The following COPRS variants were observed in gnomAD, a reference collection of about 807,000 sequenced individuals.
COPRS encodes coordinator of PRMT5 and differentiation stimulator.
In COPRS, 11 loss-of-function variants were observed where a neutral mutation model predicts 19.9. That is an observed-to-expected ratio of 0.55 (90% CI 0.35 to 0.92). The LOEUF is 0.92. Ranked by LOEUF, COPRS falls within the 40% of genes least tolerant of loss-of-function variation. The pLI is 0.01. For missense variants in COPRS, 225 were observed against 229.9 expected, an observed-to-expected ratio of 0.98 and a Z score of 0.14; for synonymous variants, 81 against 82.7, an observed-to-expected ratio of 0.98 and a Z score of 0.11.
intron 2 of COPRS, chr17:31,856,587 TAGA>T: frequency 3.2e-6 from 2 of 617,630 alleles, no homozygotes; most frequent in Admixed American, 2.8e-5. Flanking sequence ...TTTCTCTCGG[TAGA>T]AGGATGGATT....
chr17:31,856,701 G>A, intron 2 of COPRS, 98 bp downstream of exon 2: 1 of 827,964 alleles, frequency 1.2e-6, no homozygotes, highest in Non-Finnish European at 2.1e-6. Flanking sequence ...CTAAGCAGCA[G>A]AGAGGACTGG....
intron 2 of COPRS, among the ~76,000 whole-genome samples, chr17:31,855,104 G>A (rs780967375): frequency 8.5e-5 from 13 of 152,098 alleles, no homozygotes; most frequent in African/African-American, 2.4e-4. Flanking sequence ...GGCCAGGCAC[G>A]GTGGCTCATG....
intron 2 of COPRS, among the ~76,000 whole-genome samples, chr17:31,855,819 A>T (rs750400561): frequency 1.3e-5 from 2 of 151,874 alleles, no homozygotes; most frequent in Admixed American, 6.6e-5. Context: ...AACATGGTGA[A>T]ACCCCATCTC....
intron 2 of COPRS, among the ~76,000 whole-genome samples, chr17:31,853,791 C>A (rs1909238840): frequency 6.6e-6 from 1 of 152,148 alleles, no homozygotes; most frequent in African/African-American, 2.4e-5. Flanking sequence ...CATCTAATCA[C>A]AATGGGCAGC....
At position 31,853,002 on chromosome 17, in the gene COPRS, G is replaced by C. The variant is rs747997725; in HGVS notation, c.195C>G (p.Asp65Glu). Residue 65 changes from aspartate (D) to glutamate (E), a missense_variant, in exon 3 of 4, where the codon GAC becomes GAG. Physicochemically the swap from Asp to Glu is conservative, Grantham distance 45. Around this residue, in one of 3 missense-constraint regions of COPRS, gnomAD observed 170 missense variants for 171.4 expected, o/e 0.99. Transcript: ENST00000302362. Reference sequence around the variant, plus strand: ...GGGTGCCCTCACCCCGGGCAGGACTGTCATTAGGAATGCTCTGTGTTCCAC... The same window carrying C: ...GGGTGCCCTCACCCCGGGCAGGACTCTCATTAGGAATGCTCTGTGTTCCAC... Reference protein sequence around the residue: ...LARGTQSIPNDSPARGEGTHS... With the variant: ...LARGTQSIPNESPARGEGTHS... The C allele has an allele frequency of 1.2e-6, 2 of 1,613,978 alleles. No homozygotes were observed. Among genetic ancestry groups the C allele is most frequent in the Admixed American group, 1.7e-5 (1 of 60,010 alleles).
chr17:31,859,139 G>T lies in COPRS; in HGVS notation c.61C>A (p.Pro21Thr). The T allele has an allele frequency of 9.3e-7, 1 of 1,080,880 alleles. No homozygotes were observed. Among genetic ancestry groups the T allele is most frequent in the Admixed American group, 5.3e-5 (1 of 18,844 alleles). 67.0% of individuals were successfully genotyped at this position (1,080,880 alleles called of 1,614,324 possible). Reference sequence around the variant, plus strand: ...GGCGCCCCCCGCGCGCTAGGCAGCGGCGGGCCCCGAGACGGCTCCGCGGCC... The same window carrying T: ...GGCGCCCCCCGCGCGCTAGGCAGCGTCGGGCCCCGAGACGGCTCCGCGGCC... ...QGAAEPSRGP[P>T]LPSARGAPPS... The change falls in exon 1 of 4, where the codon CCG becomes ACG. Residue 21 changes from proline (P) to threonine (T), a missense_variant. Around this residue, in one of 3 missense-constraint regions of COPRS, gnomAD observed 51 missense variants for 39.2 expected, o/e 1.30. Coordinates refer to ENST00000302362, the MANE Select transcript of COPRS (RefSeq NM_018405.4).
intron 2 of COPRS, 42 bp downstream of exon 2, chr17:31,856,757 C>G (rs754125967): frequency 8.3e-7 from 1 of 1,209,846 alleles, no homozygotes; most frequent in East Asian, 2.3e-5. Context: ...CCTCTCCTCA[C>G]ATCCTTGGTC....
In COPRS at chr17:31,852,315, G is replaced by A; in HGVS notation, c.386-7C>T. ...TCCTGGATGTCGTCAGCATCTGCAG[G>A]CAGTTTTAAAAGACAGATTAAGGGA... On this transcript the variant is annotated splice_polypyrimidine_tract_variant and splice_region_variant and intron_variant, in intron 3 of 3. Coordinates refer to ENST00000302362, the MANE Select transcript of COPRS (RefSeq NM_018405.4). 1 of 1,597,980 alleles carries A rather than the reference G, an allele frequency of 6.3e-7. No individual in the cohort carries two copies.
intron 3 of COPRS, 71 bp downstream of exon 3, chr17:31,852,741 G>C (rs1909202164): frequency 1.9e-6 from 2 of 1,080,120 alleles, no homozygotes; most frequent in South Asian, 2.5e-5. Flanking sequence ...GTTCCAAACT[G>C]CCTTCAGGGC....
At position 31,852,265 on chromosome 17, in the gene COPRS, A is replaced by G; in HGVS notation, c.429T>C (p.Pro143=). 6.2e-7 allele frequency: 1 copy of G among 1,613,878 alleles called. No individual in the cohort carries two copies. The highest frequency in any genetic ancestry group is 8.5e-7 in the Non-Finnish European group (1 of 1,179,910). ...CTCCTTGTGGGGCACAGCACACCCA[A>G]GGTTTAAGCTCTTGAGAAATGCTCT... ...IQESISQELK[P]WVCCAPQGDM... is the part of the protein sequence containing the mutation. The change falls in exon 4 of 4, where the codon CCT becomes CCC. Residue 143 remains proline (P), a synonymous_variant. Coordinates refer to ENST00000302362, the MANE Select transcript of COPRS (RefSeq NM_018405.4).
At chr17:31,857,091 C>T (rs1471242628) in intron 1 of COPRS, among the ~76,000 whole-genome samples, 1 of 152,110 alleles carries the variant, frequency 6.6e-6, no homozygotes, top group African/African-American at 2.4e-5. Flanking sequence ...GACACTTCAC[C>T]GTGGCAGCAG....
chr17:31,852,985 T>C lies in COPRS; in HGVS notation c.212A>G (p.Glu71Gly). 1 of 1,614,062 alleles carries C rather than the reference T, an allele frequency of 6.2e-7. No individual in the cohort carries two copies. Among genetic ancestry groups the C allele is most frequent in the Non-Finnish European group, 8.5e-7 (1 of 1,179,898 alleles). Reference sequence around the variant, plus strand: ...GCCTTCCTCTTCAGAATGGGTGCCCTCACCCCGGGCAGGACTGTCATTAGG... The same window carrying C: ...GCCTTCCTCTTCAGAATGGGTGCCCCCACCCCGGGCAGGACTGTCATTAGG... Reference protein sequence around the residue: ...SIPNDSPARGEGTHSEEEGFA... With the variant: ...SIPNDSPARGGGTHSEEEGFA... The change falls in exon 3 of 4, where the codon GAG becomes GGG. Residue 71 changes from glutamate (E) to glycine (G), a missense_variant. Glu to Gly is a moderately conservative substitution (Grantham distance 98). Transcript: ENST00000302362.
At chr17:31,858,538 T>C (rs1009057705) in intron 1 of COPRS, 4 of 459,660 alleles carry the variant, frequency 8.7e-6, no homozygotes, top group Non-Finnish European at 1.1e-5. Flanking sequence ...GTAAGAACTG[T>C]AATAACGGTC....
At chr17:31,852,758 G>T in intron 3 of COPRS, 54 bp downstream of exon 3, 1 of 1,307,992 alleles carries the variant, frequency 7.6e-7, no homozygotes, top group Non-Finnish European at 1.1e-6. Context: ...GGGCTGGTCT[G>T]ACAGGTGTGT....
In COPRS at chr17:31,852,333, TTAAGGGAAGGAA is replaced by T. The variant is rs764764106; in HGVS notation, c.386-37_386-26del. The T allele has an allele frequency of 1.9e-6, 3 of 1,578,572 alleles. No homozygotes were observed. The South Asian group carries it at 3.5e-5, about 18-fold the overall frequency. ...TCTGCAGGCAGTTTTAAAAGACAGA[TTAAGGGAAGGAA>T]GGAGGGAAGGAAGGAAGGTAAAAAC... On this transcript the variant is annotated intron_variant, in intron 3 of 3. Coordinates refer to ENST00000302362, the MANE Select transcript of COPRS (RefSeq NM_018405.4).
chr17:31,853,445 A>G (rs934622107), intron 2 of COPRS, among the ~76,000 whole-genome samples: 3 of 150,038 alleles, frequency 2.0e-5, no homozygotes, highest in African/African-American at 7.4e-5. Flanking sequence ...CAATGGCACC[A>G]TCTCGGCTCA....
chr17:31,857,715 C>T (rs188471618), intron 1 of COPRS, among the ~76,000 whole-genome samples: 8 of 152,316 alleles, frequency 5.3e-5, no homozygotes, highest in Non-Finnish European at 1.0e-4. Context: ...GAACACATCA[C>T]TTCAATTACT....
At chr17:31,858,006 T>C (rs1909415799) in intron 1 of COPRS, among the ~76,000 whole-genome samples, 1 of 152,136 alleles carries the variant, frequency 6.6e-6, no homozygotes, top group South Asian at 2.1e-4. Flanking sequence ...ACCTCTCACC[T>C]AAACCACTGC....
At position 31,852,773 on chromosome 17, in the gene COPRS, G is replaced by A. The variant is rs570234474; in HGVS notation, c.385+39C>T. 29 of 1,449,430 alleles carry A rather than the reference G, an allele frequency of 2.0e-5. 1 individual carries two copies. In the South Asian group the frequency reaches 3.0e-4, roughly 15 times the overall value. 89.8% of individuals were successfully genotyped at this position (1,449,430 alleles called of 1,614,324 possible). A position where few individuals can be genotyped will look rare whatever the true frequency, so the allele number is the denominator to read the frequency against. Reference sequence around the variant, plus strand: ...GGGCTGGTCTGACAGGTGTGTCTGAGAAGGCCTAGTTCAGGACCCCCAGAG... The same window carrying A: ...GGGCTGGTCTGACAGGTGTGTCTGAAAAGGCCTAGTTCAGGACCCCCAGAG... On this transcript the variant is annotated intron_variant, in intron 3 of 3. Transcript: ENST00000302362.
Sources: allele counts gnomAD v4.1 joint callset (sites outside exome capture counted in the v4.1 genomes callset), GRCh38; gene constraint gnomAD v4.1.1; regional missense constraint gnomAD v4.1.1; transcripts MANE v1.5; gene names NCBI Gene and HGNC (gene_info 2026-07-23, HGNC 2026-07-21).